Variants in PRKG1 observed in about 807,000 individuals in gnomAD.
PRKG1 encodes the protein protein kinase cGMP-dependent 1.
Under a neutral mutation model 88.1 loss-of-function variants are expected in PRKG1, and 35 were observed. The observed-to-expected ratio is 0.40, with a 90% CI of 0.30 to 0.53. PRKG1 has a LOEUF of 0.53. Ranked by LOEUF, PRKG1 falls within the 20% of genes least tolerant of loss-of-function variation. The probability of loss-of-function intolerance (pLI) is 0.59; values close to 1 mark genes in which losing one functional copy is unlikely to be tolerated. For synonymous variants in PRKG1, 303 were observed against 292.5 expected (o/e 1.04, Z -0.37); for missense variants, 540 against 839.8 (o/e 0.64, Z 4.41).
At chr10:51,598,098 A>G (rs1009153877) in intron 3 of PRKG1, among the ~76,000 whole-genome samples, 13 of 152,158 alleles carry the variant, frequency 8.5e-5, no homozygotes, top group Admixed American at 8.5e-4. Context: ...TTGGTCATCA[A>G]TTGTCTATTT....
chr10:51,684,710 A>G (rs1321721537), intron 3 of PRKG1, among the ~76,000 whole-genome samples: 1 of 151,968 alleles, frequency 6.6e-6, no homozygotes. Flanking sequence ...CACCAAAAAT[A>G]CAAAAACTTA....
intron 10 of PRKG1, chr10:52,252,268 CA>C (rs1192476835): frequency 6.6e-6 from 1 of 152,018 alleles, no homozygotes; most frequent in Non-Finnish European, 1.5e-5. Flanking sequence ...ACACTTTGTA[CA>C]AGTTCATACA....
intron 2 of PRKG1, among the ~76,000 whole-genome samples, chr10:51,178,716 G>A (rs889331052): frequency 6.6e-6 from 1 of 152,040 alleles, no homozygotes; most frequent in Admixed American, 6.6e-5. Flanking sequence ...TGTGGTGGAA[G>A]TTGGCCTGAG....
intron 1 of PRKG1, among the ~76,000 whole-genome samples, chr10:51,089,473 T>A (rs188707581): frequency 6.6e-6 from 1 of 152,332 alleles, no homozygotes. Context: ...AAATACTTTT[T>A]AACTAGGTGC....
intron 3 of PRKG1, among the ~76,000 whole-genome samples, chr10:51,723,253 G>C (rs985658268): frequency 3.3e-5 from 5 of 152,136 alleles, no homozygotes; most frequent in Admixed American, 3.3e-4. Context: ...ACTGGATAAA[G>C]AAAATGTGGC....
intron 3 of PRKG1, among the ~76,000 whole-genome samples, chr10:51,614,734 A>T (rs1375457664): frequency 6.6e-6 from 1 of 151,768 alleles, no homozygotes; most frequent in Admixed American, 6.6e-5. Flanking sequence ...TTGTGTTTTC[A>T]TGATGGTAAA....
intron 3 of PRKG1, among the ~76,000 whole-genome samples, chr10:51,663,305 G>T (rs1840343746): frequency 6.6e-6 from 1 of 152,068 alleles, no homozygotes; most frequent in Non-Finnish European, 1.5e-5. Flanking sequence ...AACTCTAAAA[G>T]AACTCACCAA....
chr10:52,231,229 C>G (rs1284511133), intron 9 of PRKG1: 3 of 152,136 alleles, frequency 2.0e-5, no homozygotes, highest in Admixed American at 1.3e-4. Context: ...GAAACCTGGT[C>G]TCTACAAAAA....
At chr10:51,894,078 A>T (rs756742655) in intron 4 of PRKG1, among the ~76,000 whole-genome samples, 1 of 152,218 alleles carries the variant, frequency 6.6e-6, no homozygotes, top group Non-Finnish European at 1.5e-5. Flanking sequence ...TTCTACAAAC[A>T]TATGGGAATC....
Position 51,485,485 on chromosome 10 carries a change from C to T in PRKG1, c.592+17649C>T, listed in dbSNP as rs186605934. Among the ~76,000 whole-genome samples the T allele has an allele frequency of 3.3e-5, 5 of 152,226 alleles. No individual in the cohort carries two copies. The East Asian group carries it at 9.7e-4, about 29-fold the overall frequency. On this transcript the variant is annotated intron_variant, in intron 3 of 17. Coordinates refer to ENST00000373980, the MANE Select transcript of PRKG1 (RefSeq NM_006258.4). ...AGCTTTGTAGCATAGTTTCACAAGC[C>T]TCACTCAGTATATGGATTCTTAAAT...
intron 2 of PRKG1, among the ~76,000 whole-genome samples, chr10:51,367,687 G>A (rs1408429031): frequency 6.6e-6 from 1 of 151,874 alleles, no homozygotes; most frequent in Non-Finnish European, 1.5e-5. Context: ...TTTTGGAGTA[G>A]AAGAACTTCA....
intron 3 of PRKG1, among the ~76,000 whole-genome samples, chr10:51,639,814 G>A (rs938622277): frequency 2.6e-5 from 4 of 151,884 alleles, no homozygotes; most frequent in Admixed American, 1.3e-4. Context: ...CTACTTTTGC[G>A]CCAACCTAAT....
intron 4 of PRKG1, among the ~76,000 whole-genome samples, chr10:51,896,162 A>T (rs755568702): frequency 1.1e-4 from 17 of 152,160 alleles, no homozygotes; most frequent in Non-Finnish European, 2.1e-4. Flanking sequence ...GAAGAAAAGG[A>T]TATTTCCAGC....
chr10:51,991,231 T>A (rs1287746299), intron 5 of PRKG1, among the ~76,000 whole-genome samples: 2 of 152,298 alleles, frequency 1.3e-5, no homozygotes, highest in East Asian at 3.9e-4. Context: ...ACAGTGTTTT[T>A]AGTGGGGTCT....
chr10:52,047,867 T>C (rs1383102901), intron 5 of PRKG1, among the ~76,000 whole-genome samples: 1 of 152,162 alleles, frequency 6.6e-6, no homozygotes, highest in Non-Finnish European at 1.5e-5. Context: ...TCTTCTGAGA[T>C]ATATCTTCTG....
intron 3 of PRKG1, among the ~76,000 whole-genome samples, chr10:51,639,842 T>A (rs1198510851): frequency 6.6e-6 from 1 of 152,166 alleles, no homozygotes; most frequent in Non-Finnish European, 1.5e-5. Context: ...TTGCCTTATT[T>A]GATAAAGCTT....
At chr10:52,266,748 G>T (rs1193024280) in intron 10 of PRKG1, among the ~76,000 whole-genome samples, 1 of 151,544 alleles carries the variant, frequency 6.6e-6, no homozygotes, top group Non-Finnish European at 1.5e-5. Flanking sequence ...AGCAGAGAGA[G>T]TTTGAGTAAT....
intron 3 of PRKG1, among the ~76,000 whole-genome samples, chr10:51,646,000 A>G (rs1839906126): frequency 6.6e-6 from 1 of 152,186 alleles, no homozygotes; most frequent in Admixed American, 6.5e-5. Flanking sequence ...ACTCTTAAGT[A>G]TTGTAATTTC....
intron 3 of PRKG1, chr10:51,699,460 C>T: frequency 6.2e-7 from 1 of 1,614,028 alleles, no homozygotes; most frequent in Non-Finnish European, 8.5e-7. Flanking sequence ...CCTTTAACTG[C>T]TCCTCAGTTG....
Sources: gnomAD v4.1 joint callset for allele counts (sites outside exome capture counted in the v4.1 genomes callset) on GRCh38, gnomAD v4.1.1 for gene constraint, MANE v1.5 for transcripts, NCBI Gene and HGNC (gene_info 2026-07-23, HGNC 2026-07-21) for gene names.